The following CCDC146 variants were observed in gnomAD, a reference collection of about 807,000 sequenced individuals.
The protein encoded by CCDC146 is coiled-coil domain containing 146.
CCDC146 carries 92 observed loss-of-function variants against 119.3 expected under a neutral mutation model. That is an observed-to-expected ratio of 0.77 (90% CI 0.65 to 0.92). The LOEUF (loss-of-function observed/expected upper bound fraction) is 0.92, where lower values mean the gene tolerates loss of function less well. CCDC146 is among the 40% of genes least tolerant of loss of function. CCDC146 has a pLI of 0.00. For synonymous variants in CCDC146, 372 were observed against 371.8 expected, an observed-to-expected ratio of 1.00 and a Z score of -0.01; for missense variants, 1,000 against 1,103.0, an observed-to-expected ratio of 0.91 and a Z score of 1.32.
Position 77,252,806 on chromosome 7 carries a change from A to AGTGCAAGTC in CCDC146, c.450-1699_450-1691dup, listed in dbSNP as rs1793101070. ...TTGTTTCTCACTCATAGCACAGTCC[A>AGTGCAAGTC]GTGCAAGTCATGCAGCCACGTCTGT... On this transcript the variant is annotated intron_variant, in intron 4 of 18. Coordinates refer to ENST00000285871, the MANE Select transcript of CCDC146 (RefSeq NM_020879.3). 2.0e-5 allele frequency among the ~76,000 whole-genome samples: 3 copies of AGTGCAAGTC among 152,374 alleles called. No individual in the cohort carries two copies. In the South Asian group the frequency reaches 6.2e-4, roughly 32 times the overall value.
At chr7:77,290,341 C>T (rs923116448) in intron 17 of CCDC146, among the ~76,000 whole-genome samples, 1 of 151,504 alleles carries the variant, frequency 6.6e-6, no homozygotes, top group Non-Finnish European at 1.5e-5. Flanking sequence ...CAAATCTGCA[C>T]GTTGTGCACA....
At chr7:77,293,249 T>C in intron 18 of CCDC146, 49 bp downstream of exon 18, 1 of 1,570,124 alleles carries the variant, frequency 6.4e-7, no homozygotes, top group Non-Finnish European at 8.6e-7. Flanking sequence ...CAGCAGGGGT[T>C]GCATTCAGGC....
chr7:77,202,149 T>C (rs1331669917), intron 2 of CCDC146, among the ~76,000 whole-genome samples: 2 of 152,266 alleles, frequency 1.3e-5, no homozygotes, highest in Non-Finnish European at 2.9e-5. Flanking sequence ...ATATACTATA[T>C]ATTTATTCAT....
intron 1 of CCDC146, among the ~76,000 whole-genome samples, chr7:77,148,157 G>A (rs1791052212): frequency 6.6e-6 from 1 of 152,212 alleles, no homozygotes; most frequent in Admixed American, 6.5e-5. Flanking sequence ...TTTGATCTCA[G>A]ACTGCTGTGC....
At chr7:77,182,625 A>C (rs1190144783) in intron 2 of CCDC146, among the ~76,000 whole-genome samples, 1 of 152,000 alleles carries the variant, frequency 6.6e-6, no homozygotes, top group Non-Finnish European at 1.5e-5. Context: ...CAAATAAACA[A>C]ACAAAAAACT....
chr7:77,139,448 CATT>C (rs1790904048), intron 1 of CCDC146, among the ~76,000 whole-genome samples: 1 of 152,302 alleles, frequency 6.6e-6, no homozygotes, highest in Admixed American at 6.5e-5. Flanking sequence ...GGATACCTGT[CATT>C]ATACATTTGT....
intron 1 of CCDC146, among the ~76,000 whole-genome samples, chr7:77,144,541 T>C (rs1283850745): frequency 6.6e-6 from 1 of 151,816 alleles, no homozygotes; most frequent in Admixed American, 6.6e-5. Context: ...CAGTATGATA[T>C]TGGTTGTGGG....
chr7:77,258,553 A>G (rs1793225567), intron 6 of CCDC146, among the ~76,000 whole-genome samples: 1 of 152,212 alleles, frequency 6.6e-6, no homozygotes, highest in Admixed American at 6.5e-5. Flanking sequence ...GTGGCACTCA[A>G]CACTTTATTA....
At chr7:77,123,240 G>GA (rs71085442) in intron 1 of CCDC146, among the ~76,000 whole-genome samples, 51,847 of 140,178 alleles carry the variant, frequency 0.37, 9,318 homozygotes, top group Middle Eastern at 0.48. Flanking sequence ...GTTTTAGAGT[G>GA]AAAAAAAAAA....
chr7:77,206,670 T>C (rs143132638), intron 2 of CCDC146, among the ~76,000 whole-genome samples: 17,633 of 133,022 alleles, frequency 0.13, 1,465 homozygotes, highest in East Asian at 0.34. Flanking sequence ...TATATATATA[T>C]ATACACACAC....
chr7:77,184,521 T>G lies in CCDC146; in HGVS notation c.156+16697T>G, dbSNP rs569897727. Among the ~76,000 whole-genome samples the G allele has an allele frequency of 4.6e-5, 7 of 152,340 alleles. No individual in the cohort carries two copies. The South Asian group carries it at 1.4e-3, about 32-fold the overall frequency. ...GTCACCATCACCAACACAATTTACT[T>G]GTAAATGACACATTCTGAAAGAATT... On this transcript the variant is annotated intron_variant, in intron 2 of 18. Coordinates refer to ENST00000285871, the MANE Select transcript of CCDC146 (RefSeq NM_020879.3).
At chr7:77,160,218 G>T (rs1791240065) in intron 1 of CCDC146, among the ~76,000 whole-genome samples, 2 of 152,136 alleles carry the variant, frequency 1.3e-5, no homozygotes, top group African/African-American at 4.8e-5. Flanking sequence ...CTCCAGCTTT[G>T]TTCTTTGGGC....
intron 11 of CCDC146, among the ~76,000 whole-genome samples, chr7:77,274,867 G>A (rs973580550): frequency 6.6e-5 from 10 of 152,046 alleles, no homozygotes; most frequent in East Asian, 3.8e-4. Context: ...ATCACACACC[G>A]GGGCCTGTTG....
chr7:77,217,263 C>G (rs1240157557), intron 2 of CCDC146, among the ~76,000 whole-genome samples: 2 of 151,712 alleles, frequency 1.3e-5, no homozygotes, highest in African/African-American at 4.8e-5. Flanking sequence ...TAAGACATTC[C>G]AAAAAGCTTG....
chr7:77,138,289 G>GAAAA (rs1682830347), intron 1 of CCDC146, among the ~76,000 whole-genome samples: 3 of 98,818 alleles, frequency 3.0e-5, no homozygotes, highest in Admixed American at 9.7e-5. Flanking sequence ...GGGGGCAGTT[G>GAAAA]CAAAAAAAAA....
At chr7:77,183,196 A>G (rs928912608) in intron 2 of CCDC146, among the ~76,000 whole-genome samples, 4 of 151,388 alleles carry the variant, frequency 2.6e-5, no homozygotes, top group African/African-American at 9.7e-5. Flanking sequence ...AGGGCTTCCC[A>G]CCCTCAGGCT....
At chr7:77,269,651 A>T (rs1363948329) in intron 9 of CCDC146, among the ~76,000 whole-genome samples, 1 of 152,266 alleles carries the variant, frequency 6.6e-6, no homozygotes, top group African/African-American at 2.4e-5. Context: ...AGCTATTTAT[A>T]TTATGACACT....
At chr7:77,168,450 A>G (rs933672035) in intron 2 of CCDC146, among the ~76,000 whole-genome samples, 2 of 151,998 alleles carry the variant, frequency 1.3e-5, no homozygotes, top group African/African-American at 4.8e-5. Context: ...AGGACATTTG[A>G]ATTTCAGATG....
intron 6 of CCDC146, chr7:77,258,042 G>T (rs1793214117): frequency 1.3e-5 from 2 of 152,302 alleles, no homozygotes; most frequent in African/African-American, 4.8e-5. Context: ...ATGGAGGGAA[G>T]CAGGATAGAG....
Sources: allele counts gnomAD v4.1 joint callset (sites outside exome capture counted in the v4.1 genomes callset), GRCh38; gene constraint gnomAD v4.1.1; transcripts MANE v1.5; gene names NCBI Gene and HGNC (gene_info 2026-07-23, HGNC 2026-07-21).